Variants in PRKAG2 observed in about 807,000 individuals in gnomAD.
PRKAG2 encodes protein kinase AMP-activated non-catalytic subunit gamma 2.
Under a neutral mutation model 69.6 loss-of-function variants are expected in PRKAG2, and 26 were observed. The ratio of observed to expected loss-of-function variants is 0.37; its 90% confidence interval spans 0.27 to 0.52. The LOEUF (loss-of-function observed/expected upper bound fraction) is 0.52, where lower values mean the gene tolerates loss of function less well. PRKAG2 is among the 20% of genes least tolerant of loss of function. The probability of loss-of-function intolerance (pLI) is 0.90; values close to 1 mark genes in which losing one functional copy is unlikely to be tolerated. For missense variants in PRKAG2, 557 were observed against 740.0 expected (o/e 0.75, Z 2.87); for synonymous variants, 293 against 285.0 (o/e 1.03, Z -0.28).
At chr7:151,710,848 A>G (rs570212256) in intron 3 of PRKAG2, among the ~76,000 whole-genome samples, 1 of 152,326 alleles carries the variant, frequency 6.6e-6, no homozygotes, top group South Asian at 2.1e-4. Context: ...AGTCTAGAAT[A>G]TTGCTTGGCA....
At chr7:151,645,957 A>C (rs1432053350) in intron 4 of PRKAG2, among the ~76,000 whole-genome samples, 1 of 152,190 alleles carries the variant, frequency 6.6e-6, no homozygotes, top group Non-Finnish European at 1.5e-5. Context: ...CTTGTTGAAA[A>C]GATTTTGCTG....
rs2076040296 is a variant in PRKAG2 at position 151,771,895 on chromosome 7, C to A, written c.466+9257G>T. On this transcript the variant is annotated intron_variant, in intron 3 of 15. Transcript: ENST00000287878. The surrounding 1 kb of genome is among the most constrained non-coding windows in gnomAD (Gnocchi z 4.0). Reference sequence around the variant, plus strand: ...GTCAGTATAGCCATCATCTTGTATTCAGAAGCATCAGCCCACATTTTAGAA... The same window carrying A: ...GTCAGTATAGCCATCATCTTGTATTAAGAAGCATCAGCCCACATTTTAGAA... Among the ~76,000 whole-genome samples, 1 of 152,162 alleles carries A rather than the reference C, an allele frequency of 6.6e-6. No homozygotes were observed. The highest frequency in any genetic ancestry group is 1.5e-5 in the Non-Finnish European group (1 of 68,042).
intron 3 of PRKAG2, among the ~76,000 whole-genome samples, chr7:151,703,853 C>T (rs1025464931): frequency 7.2e-5 from 4 of 55,204 alleles, no homozygotes; most frequent in Admixed American, 2.0e-4. Flanking sequence ...AAAACACACA[C>T]ACACACACAC....
chr7:151,628,377 G>T (rs1215887373), intron 5 of PRKAG2, among the ~76,000 whole-genome samples: 1 of 152,190 alleles, frequency 6.6e-6, no homozygotes, highest in Non-Finnish European at 1.5e-5. Context: ...CAGCAAAGAC[G>T]TGGTCGGTGT....
chr7:151,718,278 A>AGG (rs147529174), intron 3 of PRKAG2, among the ~76,000 whole-genome samples: 311 of 151,458 alleles, frequency 2.1e-3, no homozygotes, highest in Non-Finnish European at 3.1e-3. Flanking sequence ...TGGTGGGTGG[A>AGG]GGGGGGGGTA....
intron 1 of PRKAG2, among the ~76,000 whole-genome samples, chr7:151,842,077 G>A: frequency 7.1e-6 from 1 of 140,904 alleles, no homozygotes; most frequent in South Asian, 2.7e-4. Flanking sequence ...ATGGTAGGTA[G>A]TGATGATGGT....
At chr7:151,625,897 C>T (rs1433138401) in intron 5 of PRKAG2, among the ~76,000 whole-genome samples, 2 of 152,090 alleles carry the variant, frequency 1.3e-5, no homozygotes, top group Non-Finnish European at 2.9e-5. Flanking sequence ...GACAGGGCAG[C>T]GAGAAGCCCA....
At chr7:151,862,214 G>A (rs969281210) in intron 1 of PRKAG2, among the ~76,000 whole-genome samples, 14 of 152,028 alleles carry the variant, frequency 9.2e-5, no homozygotes, top group African/African-American at 3.4e-4. Flanking sequence ...CAATCAGCCT[G>A]AGCCAAAGCC....
At chr7:151,724,756 C>A (rs868411543) in intron 3 of PRKAG2, among the ~76,000 whole-genome samples, 1 of 152,222 alleles carries the variant, frequency 6.6e-6, no homozygotes, top group Non-Finnish European at 1.5e-5. Flanking sequence ...CTCCGCGCCA[C>A]GCTCCCTCCT....
chr7:151,672,220 G>A (rs1832162724), intron 4 of PRKAG2, among the ~76,000 whole-genome samples: 1 of 152,060 alleles, frequency 6.6e-6, no homozygotes, highest in South Asian at 2.1e-4. Flanking sequence ...CCCTGCCTCA[G>A]CCTCCCAAGT....
intron 4 of PRKAG2, among the ~76,000 whole-genome samples, chr7:151,660,669 A>C (rs1830183388): frequency 6.6e-6 from 1 of 152,216 alleles, no homozygotes; most frequent in Non-Finnish European, 1.5e-5. Context: ...CAGGGACCTG[A>C]TTATACTATT....
intron 1 of PRKAG2, among the ~76,000 whole-genome samples, chr7:151,802,029 G>A (rs984004748): frequency 6.6e-6 from 1 of 152,168 alleles, no homozygotes; most frequent in African/African-American, 2.4e-5. Flanking sequence ...TGCAGGGCCT[G>A]GTGGCTGCTG....
intron 4 of PRKAG2, among the ~76,000 whole-genome samples, chr7:151,639,069 C>T (rs916114507): frequency 6.6e-6 from 1 of 152,212 alleles, no homozygotes; most frequent in Admixed American, 6.5e-5. Flanking sequence ...CAACCCACCA[C>T]TGTGCCTGAC....
intron 3 of PRKAG2, among the ~76,000 whole-genome samples, chr7:151,748,067 C>T (rs1411907721): frequency 1.3e-5 from 2 of 151,942 alleles, no homozygotes; most frequent in African/African-American, 2.4e-5. Flanking sequence ...ACTACAGGCA[C>T]GTGCCACCAC....
Position 151,874,112 on chromosome 7 carries a change from TATGTATATGTATATG to T in PRKAG2, c.114+2380_114+2394del, listed in dbSNP as rs1222155978. On this transcript the variant is annotated intron_variant, in intron 1 of 15. Coordinates refer to ENST00000287878, the MANE Select transcript of PRKAG2 (RefSeq NM_016203.4). ...ATATGATGTATATGTATATGATGTA[TATGTATATGTATATG>T]ATGTATATGTATATATGTATATGTA... Among the ~76,000 whole-genome samples, 182 of 144,704 alleles carry T rather than the reference TATGTATATGTATATG, an allele frequency of 1.3e-3. 1 individual carries two copies. Among genetic ancestry groups the T allele is most frequent in the African/African-American group, 4.1e-3 (161 of 39,176 alleles). The allele number at this position is 144,704 out of a possible 152,430, so 94.9% of individuals were successfully genotyped here.
intron 6 of PRKAG2, among the ~76,000 whole-genome samples, chr7:151,587,422 G>A (rs1297457463): frequency 6.6e-6 from 1 of 152,156 alleles, no homozygotes; most frequent in Non-Finnish European, 1.5e-5. Context: ...CCATGGCTAA[G>A]TGTGGGCTGT....
Position 151,814,626 on chromosome 7 carries a change from G to A in PRKAG2, c.115-28085C>T. The A allele has an allele frequency of 7.3e-6, 9 of 1,231,800 alleles. No homozygotes were observed. Among genetic ancestry groups the A allele is most frequent in the Non-Finnish European group, 9.1e-6 (9 of 988,010 alleles). 76.3% of individuals were successfully genotyped at this position (1,231,800 alleles called of 1,614,324 possible). On this transcript the variant is annotated intron_variant, in intron 1 of 15. Transcript: ENST00000287878. This position sits in a 1 kb window ranked among gnomAD's most constrained non-coding sequence, Gnocchi z 4.8. ...TTTCTAGGGTTCGGCTGTGCTCCGA[G>A]CTGCTGCCACTGCATGTCTGCAACA...
chr7:151,783,243 G>A (rs2076821290), intron 2 of PRKAG2, among the ~76,000 whole-genome samples: 1 of 152,278 alleles, frequency 6.6e-6, no homozygotes, highest in Admixed American at 6.5e-5. Flanking sequence ...CCGGCCTGGC[G>A]CGGACACCTT....
chr7:151,786,583 C>T (rs767096307), intron 1 of PRKAG2, 42 bp from the exon 2 acceptor site: 97 of 1,536,776 alleles, frequency 6.3e-5, no homozygotes, highest in South Asian at 3.6e-4. Context: ...CAGTGGCCCT[C>T]GGGCCCAGGG....
Sources: gnomAD v4.1 joint callset for allele counts (sites outside exome capture counted in the v4.1 genomes callset) on GRCh38, gnomAD v4.1.1 for gene constraint, Gnocchi (gnomAD v3.1) non-coding constraint, MANE v1.5 for transcripts, NCBI Gene and HGNC (gene_info 2026-07-23, HGNC 2026-07-21) for gene names.